Variants in ARIH1 observed in about 807,000 individuals in gnomAD.
ARIH1 encodes E3 ubiquitin-protein ligase ARIH1.
ARIH1 carries 8 observed loss-of-function variants against 85.0 expected under a neutral mutation model. The ratio of observed to expected loss-of-function variants is 0.09; its 90% CI spans 0.06 to 0.17. The LOEUF (loss-of-function observed/expected upper bound fraction) is 0.17, where lower values mean the gene tolerates loss of function less well. Ranked by LOEUF, ARIH1 falls within the 10% of genes least tolerant of loss-of-function variation. The pLI is 1.00. For synonymous variants in ARIH1, 238 were observed against 253.6 expected (o/e 0.94, Z 0.59); for missense variants, 311 against 718.1 (o/e 0.43, Z 6.48).
At chr15:72,546,249 A>T (rs958239890) in intron 3 of ARIH1, among the ~76,000 whole-genome samples, 6 of 151,984 alleles carry the variant, frequency 3.9e-5, no homozygotes, top group African/African-American at 1.2e-4. Context: ...TTTATCTTAG[A>T]GTTGTATATG....
intron 9 of ARIH1, 54 bp downstream of exon 9, chr15:72,567,231 T>G: frequency 3.4e-6 from 5 of 1,451,940 alleles, no homozygotes; most frequent in Non-Finnish European, 4.8e-6. Context: ...GGATTGGTAC[T>G]TTGGCATTAG....
intron 1 of ARIH1, among the ~76,000 whole-genome samples, chr15:72,512,096 CTTTG>C (rs1266182289): frequency 6.6e-6 from 1 of 151,970 alleles, no homozygotes; most frequent in African/African-American, 2.4e-5. Flanking sequence ...ATTTTTGCAT[CTTTG>C]TTCATGTAGT....
At position 72,586,958 on chromosome 15, in the gene ARIH1, A is replaced by C. The variant is rs1283870573; in HGVS notation, c.*3666A>C. ...AGCTGATACTGTTATATAGGGATGA[A>C]GGGAGAGTTTTCTTAAAGAAGGTCC... On this transcript the variant is annotated 3_prime_UTR_variant, in exon 14 of 14. Coordinates refer to ENST00000379887, the MANE Select transcript of ARIH1 (RefSeq NM_005744.5). 4 of 337,494 alleles carry C rather than the reference A, an allele frequency of 1.2e-5. No homozygotes were observed. The highest frequency in any genetic ancestry group is 2.3e-5 in the Non-Finnish European group (4 of 176,290). 20.9% of individuals were successfully genotyped at this position (337,494 alleles called of 1,614,324 possible). A position where few individuals can be genotyped will look rare whatever the true frequency, so the allele number is the denominator to read the frequency against.
intron 5 of ARIH1, among the ~76,000 whole-genome samples, chr15:72,559,274 TTTG>T (rs1321157875): frequency 6.6e-6 from 1 of 152,164 alleles, no homozygotes; most frequent in Non-Finnish European, 1.5e-5. Context: ...TTTTTTGTTT[TTTG>T]TTTTTTTAAG....
chr15:72,507,914 T>C (rs1595856112), intron 1 of ARIH1, among the ~76,000 whole-genome samples: 1 of 152,250 alleles, frequency 6.6e-6, no homozygotes, highest in African/African-American at 2.4e-5. Flanking sequence ...GCCACATTCA[T>C]GGGAGTTCTA....
intron 2 of ARIH1, among the ~76,000 whole-genome samples, chr15:72,533,408 G>A (rs1244017600): frequency 6.6e-6 from 1 of 152,240 alleles, no homozygotes; most frequent in African/African-American, 2.4e-5. Flanking sequence ...ATAGGCGTGA[G>A]CCCGTGGGCC....
chr15:72,541,738 G>C (rs989037171), intron 2 of ARIH1, among the ~76,000 whole-genome samples: 1 of 152,194 alleles, frequency 6.6e-6, no homozygotes, highest in Non-Finnish European at 1.5e-5. Flanking sequence ...TCAGTGGGGA[G>C]AGTTAGATTA....
chr15:72,576,286 A>C (rs1234601102), intron 11 of ARIH1, among the ~76,000 whole-genome samples: 4 of 152,056 alleles, frequency 2.6e-5, no homozygotes, highest in Non-Finnish European at 5.9e-5. Context: ...CGGGCGGATC[A>C]CAAGGTCAGG....
At chr15:72,535,470 G>A (rs953237783) in intron 2 of ARIH1, among the ~76,000 whole-genome samples, 1 of 152,128 alleles carries the variant, frequency 6.6e-6, no homozygotes, top group African/African-American at 2.4e-5. Context: ...GTGTTAAATG[G>A]AACTTAATTA....
Position 72,591,302 on chromosome 15 carries a change from A to G in ARIH1, c.*8010A>G, listed in dbSNP as rs988914909. ...ATAGTAGACAGTTTATCCCCCAGAA[A>G]GCTTTTTAGGCTGAAAACGTTTCTA... On this transcript the variant is annotated 3_prime_UTR_variant, in exon 14 of 14. Transcript: ENST00000379887. 8 of 152,044 alleles carry G rather than the reference A, an allele frequency of 5.3e-5. No individual in the cohort carries two copies. Among genetic ancestry groups the G allele is most frequent in the African/African-American group, 1.9e-4 (8 of 41,394 alleles). 9.4% of individuals were successfully genotyped at this position (152,044 alleles called of 1,614,324 possible).
chr15:72,539,563 A>G (rs1693525749), intron 2 of ARIH1, among the ~76,000 whole-genome samples: 2 of 152,250 alleles, frequency 1.3e-5, no homozygotes, highest in South Asian at 4.1e-4. Context: ...CAGGAAAAGG[A>G]CAAAGAAGTA....
rs146292812 is a variant in ARIH1, at chr15:72,502,599, G to GT, written c.376-15465dup. On this transcript the variant is annotated intron_variant, in intron 1 of 13. Coordinates refer to ENST00000379887, the MANE Select transcript of ARIH1 (RefSeq NM_005744.5). The stretch of plus-strand genomic sequence containing the variant: ...ACAGGCTGATTGCTTCAGCCCAAGA[G>GT]TTTCAGACCAGCCAGGGCAACATGG... Among the ~76,000 whole-genome samples the GT allele has an allele frequency of 4.5e-3, 692 of 152,228 alleles. 6 individuals are homozygous for GT. Among genetic ancestry groups the GT allele is most frequent in the African/African-American group, 0.016 (652 of 41,540 alleles).
chr15:72,559,551 G>C (rs1262961239), intron 5 of ARIH1, among the ~76,000 whole-genome samples: 1 of 152,124 alleles, frequency 6.6e-6, no homozygotes, highest in Admixed American at 6.5e-5. Flanking sequence ...GATTACGGGC[G>C]TGAGCAACCG....
intron 2 of ARIH1, among the ~76,000 whole-genome samples, chr15:72,543,226 C>T (rs944476947): frequency 8.6e-5 from 13 of 151,692 alleles, no homozygotes; most frequent in Admixed American, 7.9e-4. Context: ...TGAGCCACCG[C>T]GGCGCCTGTA....
rs779120965 is a variant in ARIH1 at position 72,567,191 on chromosome 15, T to C, written c.1026+14T>C. ...GCCAACACAAAGGTTGGTGTTTTCC[T>C]TCAGTAACTCTTGGTAATAAAAATG... On this transcript the variant is annotated intron_variant, in intron 9 of 13. Coordinates refer to ENST00000379887, the MANE Select transcript of ARIH1 (RefSeq NM_005744.5). 3.1e-6 allele frequency: 5 copies of C among 1,598,996 alleles called. No individual in the cohort carries two copies. Among genetic ancestry groups the C allele is most frequent in the Non-Finnish European group, 4.3e-6 (5 of 1,169,914 alleles).
At chr15:72,498,110 AG>A (rs1263020493) in intron 1 of ARIH1, among the ~76,000 whole-genome samples, 1 of 152,232 alleles carries the variant, frequency 6.6e-6, no homozygotes, top group Admixed American at 6.5e-5. Flanking sequence ...TCCACTAAAT[AG>A]ATCACAAAAG....
chr15:72,511,712 T>G (rs2063951252), intron 1 of ARIH1, among the ~76,000 whole-genome samples: 1 of 152,342 alleles, frequency 6.6e-6, no homozygotes, highest in South Asian at 2.1e-4. Context: ...AGTCATCTGA[T>G]TAGAAACAGC....
rs577889427 is a variant in ARIH1, at chr15:72,597,462, G to A, written c.*14170G>A. Reference sequence around the variant, plus strand: ...TTTTTAATCAATGGGCTGGGGATAGGAGGATCTTTCTCAGCTCTCATGTGT... The same window carrying A: ...TTTTTAATCAATGGGCTGGGGATAGAAGGATCTTTCTCAGCTCTCATGTGT... On this transcript the variant is annotated 3_prime_UTR_variant, in exon 14 of 14. Transcript: ENST00000379887. The A allele has an allele frequency of 7.0e-6, 1 of 143,170 alleles. No individual in the cohort carries two copies. Among genetic ancestry groups the A allele is most frequent in the African/African-American group, 3.0e-5 (1 of 33,322 alleles). The allele number at this position is 143,170 out of a possible 1,614,324, so 8.9% of individuals were successfully genotyped here.
intron 5 of ARIH1, among the ~76,000 whole-genome samples, chr15:72,556,970 T>C (rs1225223917): frequency 6.6e-6 from 1 of 152,236 alleles, no homozygotes; most frequent in East Asian, 1.9e-4. Flanking sequence ...CCACTGTTGA[T>C]GGGCATCTAG....
Sources: allele counts gnomAD v4.1 joint callset (sites outside exome capture counted in the v4.1 genomes callset), GRCh38; gene constraint gnomAD v4.1.1; transcripts MANE v1.5; gene names NCBI Gene and HGNC (gene_info 2026-07-23, HGNC 2026-07-21).